The following DHX9 variants were observed in gnomAD, a reference collection of about 807,000 sequenced individuals.
DHX9 encodes ATP-dependent RNA helicase A.
DHX9 carries 27 observed loss-of-function variants against 148.7 expected under a neutral mutation model. That is an observed-to-expected ratio of 0.18 (90% CI 0.13 to 0.25). The LOEUF (loss-of-function observed/expected upper bound fraction) is 0.25. Ranked by LOEUF, DHX9 falls within the 10% of genes least tolerant of loss-of-function variation. The pLI, the probability that DHX9 is intolerant of heterozygous loss-of-function variation, is 1.00. For synonymous variants in DHX9, 529 were observed against 516.6 expected (o/e 1.02, Z -0.33); for missense variants, 796 against 1,559.6 (o/e 0.51, Z 8.25).
At chr1:182,857,906 GT>G (rs984541248) in intron 7 of DHX9, among the ~76,000 whole-genome samples, 197 bp from the exon 8 acceptor site, 4 of 152,196 alleles carry the variant, frequency 2.6e-5, no homozygotes, top group African/African-American at 9.7e-5. Context: ...AATCAAAACT[GT>G]TGGTTATTTA....
intron 1 of DHX9, 146 bp from the exon 2 acceptor site, chr1:182,842,399 A>G (rs997408091): frequency 3.8e-6 from 2 of 521,958 alleles, no homozygotes; most frequent in Admixed American, 3.5e-5. Flanking sequence ...AAACGTTCCA[A>G]TTATGTCGTT....
chr1:182,866,725 TC>T, intron 13 of DHX9, 140 bp downstream of exon 13: 1 of 1,121,256 alleles, frequency 8.9e-7, no homozygotes, highest in Non-Finnish European at 1.3e-6. Flanking sequence ...GGCAGTTTTT[TC>T]CTTCATGGAA....
At chr1:182,856,463 C>G in intron 6 of DHX9, 69 bp from the exon 7 acceptor site, 1 of 1,409,890 alleles carries the variant, frequency 7.1e-7, no homozygotes, top group Non-Finnish European at 1.0e-6. Flanking sequence ...GCCTGCCTGA[C>G]TTGGGAGACC....
At chr1:182,855,581 A>C in intron 6 of DHX9, 1 of 985,448 alleles carries the variant, frequency 1.0e-6, no homozygotes, top group Non-Finnish European at 1.2e-6. Flanking sequence ...CCCTAGGTGG[A>C]GGAGAATGAG....
Position 182,874,932 on chromosome 1 carries a change from A to G in DHX9, c.1793A>G (p.Asp598Gly). 2 of 1,613,130 alleles carry G rather than the reference A, an allele frequency of 1.2e-6. No homozygotes were observed. Among genetic ancestry groups the G allele is most frequent in the Non-Finnish European group, 1.7e-6 (2 of 1,179,216 alleles). The change falls in exon 16 of 28, where the codon GAT becomes GGT. Residue 598 changes from aspartate (D) to glycine (G), a missense_variant. Coordinates refer to ENST00000367549, the MANE Select transcript of DHX9 (RefSeq NM_001357.5). ...PKDKKKKDKD[D>G]DGGEDDDANC... ...GACAAAAAGAAGAAGGATAAGGATG[A>G]TGATGGTGGTGAGGATGATGATGTA...
Position 182,861,237 on chromosome 1 carries a change from C to T in DHX9, c.1332+1053C>T, listed in dbSNP as rs12126888. ...GAAGGAATCATGTTGCATCCTAAGG[C>T]TGATGATACCTTAGGCTTGAAAAAA... is the stretch of plus-strand genomic sequence containing the variant. On this transcript the variant is annotated intron_variant, in intron 12 of 27. Coordinates refer to ENST00000367549, the MANE Select transcript of DHX9 (RefSeq NM_001357.5). 3.8e-3 allele frequency among the ~76,000 whole-genome samples: 581 copies of T among 152,088 alleles called. 2 individuals are homozygous for T. The highest frequency in any genetic ancestry group is 6.6e-3 in the Non-Finnish European group (451 of 68,006).
At chr1:182,851,092 T>C (rs35367538) in intron 3 of DHX9, among the ~76,000 whole-genome samples, 1,639 of 152,286 alleles carry the variant, frequency 0.011, 14 homozygotes, top group Non-Finnish European at 0.017. Flanking sequence ...CCTTGGTTAT[T>C]AGGGCTGACC....
Position 182,887,250 on chromosome 1 carries a change from A to G in DHX9, c.3629A>G (p.Tyr1210Cys), listed in dbSNP as rs1049651307. The G allele has an allele frequency of 6.2e-7, 1 of 1,614,092 alleles. No homozygotes were observed. Among genetic ancestry groups the G allele is most frequent in the Non-Finnish European group, 8.5e-7 (1 of 1,180,018 alleles). The part of the protein sequence containing the change: ...GGSANSFRAG[Y>C]GAGVGGGYRG... ...AGCGCCAACTCCTTTCGGGCAGGAT[A>G]TGGTGCAGGTGTTGGTGGAGGCTAT... Residue 1210 changes from tyrosine to cysteine, a missense_variant, in exon 28 of 28, where the codon TAT becomes TGT. Tyr to Cys is a radical substitution (Grantham distance 194). Around this residue, in one of 14 missense-constraint regions of DHX9, gnomAD observed 98 missense variants for 105.5 expected, o/e 0.93. Transcript: ENST00000367549.
intron 12 of DHX9, among the ~76,000 whole-genome samples, chr1:182,861,810 C>T (rs1668368273): frequency 6.6e-6 from 1 of 152,152 alleles, no homozygotes; most frequent in South Asian, 2.1e-4. Flanking sequence ...TTTGTCCTAG[C>T]GTTTGTCCCA....
At chr1:182,851,545 A>G (rs1400808459) in intron 3 of DHX9, among the ~76,000 whole-genome samples, 2 of 152,236 alleles carry the variant, frequency 1.3e-5, no homozygotes. Context: ...AGTAAAAATA[A>G]GTCAAATTTT....
At chr1:182,866,224 TGGC>T (rs1284187747) in intron 12 of DHX9, among the ~76,000 whole-genome samples, 2 of 152,226 alleles carry the variant, frequency 1.3e-5, no homozygotes, top group African/African-American at 2.4e-5. Flanking sequence ...TTTTAAGAGT[TGGC>T]GGCAATGACA....
intron 6 of DHX9, chr1:182,855,683 C>T (rs1668239204): frequency 1.0e-6 from 1 of 985,386 alleles, no homozygotes; most frequent in African/African-American, 1.7e-5. Flanking sequence ...AAGCCAGTGG[C>T]CTTTGACCCC....
intron 26 of DHX9, 129 bp from the exon 27 acceptor site, chr1:182,884,482 GTT>G (rs543788754): frequency 1.7e-5 from 11 of 645,772 alleles, no homozygotes; most frequent in Admixed American, 1.4e-4. Flanking sequence ...ATTATAAGTA[GTT>G]TTTTTTTTTA....
At chr1:182,856,463 C>T in intron 6 of DHX9, 69 bp from the exon 7 acceptor site, 1 of 1,409,890 alleles carries the variant, frequency 7.1e-7, no homozygotes, top group Non-Finnish European at 1.0e-6. Context: ...GCCTGCCTGA[C>T]TTGGGAGACC....
intron 3 of DHX9, among the ~76,000 whole-genome samples, chr1:182,851,428 T>C (rs1340857063): frequency 6.6e-6 from 1 of 152,192 alleles, no homozygotes; most frequent in Non-Finnish European, 1.5e-5. Context: ...AAAATAATAA[T>C]AGTTATACTA....
At position 182,883,380 on chromosome 1, in the gene DHX9, C is replaced by T; in HGVS notation, c.3144+12C>T. 1 of 1,607,888 alleles carries T rather than the reference C, an allele frequency of 6.2e-7. No individual in the cohort carries two copies. Among genetic ancestry groups the T allele is most frequent in the Middle Eastern group, 1.7e-4 (1 of 6,034 alleles). On this transcript the variant is annotated intron_variant, in intron 25 of 27. Coordinates refer to ENST00000367549, the MANE Select transcript of DHX9 (RefSeq NM_001357.5). ...TATTTGGTGAAAAGGTAAGAAAAGACTAGAAAAGTTTACATTGAAAGTTGA... is the reference window on the plus strand; with the variant it reads ...TATTTGGTGAAAAGGTAAGAAAAGATTAGAAAAGTTTACATTGAAAGTTGA...
intron 12 of DHX9, among the ~76,000 whole-genome samples, chr1:182,861,847 A>T (rs1014934936): frequency 1.3e-5 from 2 of 152,202 alleles, no homozygotes; most frequent in Admixed American, 1.3e-4. Flanking sequence ...TCTTACCTGT[A>T]ACAAGTCTTC....
chr1:182,876,290 T>C, intron 17 of DHX9, 27 bp downstream of exon 17: 2 of 1,606,442 alleles, frequency 1.2e-6, no homozygotes, highest in Admixed American at 1.7e-5. Context: ...TCTCACATAT[T>C]TGAGAGTGAA....
chr1:182,870,976 G>C (rs948598028), intron 14 of DHX9, among the ~76,000 whole-genome samples: 42 of 152,218 alleles, frequency 2.8e-4, no homozygotes, highest in African/African-American at 1.0e-3. Flanking sequence ...TCAGATTAAT[G>C]CTACTGTATT....
Sources: gnomAD v4.1 joint callset for allele counts (sites outside exome capture counted in the v4.1 genomes callset) on GRCh38, gnomAD v4.1.1 for gene constraint, gnomAD v4.1.1 regional missense constraint, MANE v1.5 for transcripts, NCBI Gene and HGNC (gene_info 2026-07-23, HGNC 2026-07-21) for gene names.